Variants in DMRT1 observed in about 807,000 individuals in gnomAD.
The protein encoded by DMRT1 is doublesex- and mab-3-related transcription factor 1.
DMRT1 carries 7 observed loss-of-function variants against 32.3 expected under a neutral mutation model. The ratio of observed to expected loss-of-function variants is 0.22; its 90% CI spans 0.12 to 0.41. DMRT1 has a LOEUF of 0.41. DMRT1 is among the 10% of genes least tolerant of loss of function. The probability of loss-of-function intolerance (pLI) is 1.00; values close to 1 mark genes in which losing one functional copy is unlikely to be tolerated. For synonymous variants in DMRT1, 278 were observed against 206.1 expected (o/e 1.35, Z -2.99); for missense variants, 625 against 500.5 (o/e 1.25, Z -2.37).
chr9:879,191 C>G (rs185115278), intron 2 of DMRT1, among the ~76,000 whole-genome samples: 2 of 152,100 alleles, frequency 1.3e-5, no homozygotes, highest in East Asian at 1.9e-4. Context: ...AAACTTTTTA[C>G]TTGCAGAATC....
chr9:845,186 A>T (rs1285562622), intron 1 of DMRT1, among the ~76,000 whole-genome samples: 1 of 151,882 alleles, frequency 6.6e-6, no homozygotes, highest in Non-Finnish European at 1.5e-5. Flanking sequence ...ATTTTCTTTA[A>T]ACCTGTTTTT....
intron 3 of DMRT1, among the ~76,000 whole-genome samples, chr9:897,145 C>G (rs548987388): frequency 6.7e-6 from 1 of 150,232 alleles, no homozygotes; most frequent in Non-Finnish European, 1.5e-5. Flanking sequence ...CAGATTCTCG[C>G]TCTGTCGCCC....
At chr9:920,222 T>A (rs745973422) in intron 4 of DMRT1, among the ~76,000 whole-genome samples, 7 of 152,000 alleles carry the variant, frequency 4.6e-5, no homozygotes, top group Non-Finnish European at 7.4e-5. Context: ...TGTGATGAGA[T>A]CATTTGGAGA....
chr9:883,578 G>T (rs139681263), intron 2 of DMRT1, among the ~76,000 whole-genome samples: 77 of 150,660 alleles, frequency 5.1e-4, no homozygotes, highest in African/African-American at 1.9e-3. Context: ...GATCACTGGA[G>T]ACCAGAATTT....
chr9:928,922 C>T (rs937373595), intron 4 of DMRT1, among the ~76,000 whole-genome samples: 2 of 151,608 alleles, frequency 1.3e-5, no homozygotes, highest in Non-Finnish European at 2.9e-5. Flanking sequence ...ACTGCAACCT[C>T]CGCCTCCCAG....
intron 4 of DMRT1, among the ~76,000 whole-genome samples, chr9:917,783 T>C (rs902481383): frequency 3.3e-5 from 5 of 152,192 alleles, no homozygotes; most frequent in African/African-American, 1.2e-4. Flanking sequence ...AACCAGAAAG[T>C]CTAAAATAGC....
intron 2 of DMRT1, among the ~76,000 whole-genome samples, chr9:877,071 G>A (rs1998438): frequency 0.4 from 50,117 of 125,236 alleles, 10,696 homozygotes; most frequent in Admixed American, 0.46. Flanking sequence ...AACAAGGGAT[G>A]AAATTACCTC....
At chr9:852,682 G>A (rs1416585933) in intron 2 of DMRT1, among the ~76,000 whole-genome samples, 1 of 151,974 alleles carries the variant, frequency 6.6e-6, no homozygotes, top group Non-Finnish European at 1.5e-5. Flanking sequence ...TCTGTCTTGG[G>A]GCCCTCCCTT....
At chr9:904,594 T>C (rs1375833083) in intron 3 of DMRT1, among the ~76,000 whole-genome samples, 3 of 152,246 alleles carry the variant, frequency 2.0e-5, no homozygotes, top group Non-Finnish European at 2.9e-5. Flanking sequence ...TGCCTGGCAC[T>C]GTGCTAGAGA....
chr9:934,162 A>G (rs943359521), intron 4 of DMRT1, among the ~76,000 whole-genome samples: 1 of 152,210 alleles, frequency 6.6e-6, no homozygotes, highest in African/African-American at 2.4e-5. Flanking sequence ...CTTGGCAAGG[A>G]TGCTTTCATT....
At chr9:931,037 C>G (rs139449753) in intron 4 of DMRT1, among the ~76,000 whole-genome samples, 3 of 152,204 alleles carry the variant, frequency 2.0e-5, no homozygotes, top group Admixed American at 6.5e-5. Flanking sequence ...CTCCCAGCCC[C>G]TGCCAAAATA....
chr9:882,874 T>C (rs1816787095), intron 2 of DMRT1, among the ~76,000 whole-genome samples: 2 of 150,036 alleles, frequency 1.3e-5, no homozygotes, highest in Non-Finnish European at 3.0e-5. Flanking sequence ...CAGGTTCAAG[T>C]GATTCTTCTG....
At chr9:852,352 AT>A (rs989592351) in intron 2 of DMRT1, among the ~76,000 whole-genome samples, 2 of 140,864 alleles carry the variant, frequency 1.4e-5, no homozygotes, top group Admixed American at 7.1e-5. Flanking sequence ...GCAAATTTAC[AT>A]TTTTTTCCGG....
rs767147584 is a variant in DMRT1 at position 841,805 on chromosome 9, G to A, written c.-34G>A. 33 of 1,585,740 alleles carry A rather than the reference G, an allele frequency of 2.1e-5. No homozygotes were observed. The highest frequency in any genetic ancestry group is 9.4e-6 in the Non-Finnish European group (11 of 1,166,536). On this transcript the variant is annotated 5_prime_UTR_variant, in exon 1 of 5. Transcript: ENST00000382276. The stretch of plus-strand genomic sequence containing the variant: ...CGCAGCAGTCTCCAGGCGAGAGAGG[G>A]GGCCAGAGTGCTCGCACTTCTCCTA...
intron 2 of DMRT1, among the ~76,000 whole-genome samples, chr9:892,853 C>T (rs1817206424): frequency 6.6e-6 from 1 of 152,168 alleles, no homozygotes; most frequent in Non-Finnish European, 1.5e-5. Context: ...CACTTCCCTG[C>T]CCATCATTCC....
At chr9:863,200 C>T (rs145323511) in intron 2 of DMRT1, among the ~76,000 whole-genome samples, 1 of 148,808 alleles carries the variant, frequency 6.7e-6, no homozygotes, top group Admixed American at 6.7e-5. Context: ...TGCTTTTAGT[C>T]CCAGCTGCTT....
chr9:955,299 C>T (rs1396411405), intron 4 of DMRT1, among the ~76,000 whole-genome samples: 7 of 152,052 alleles, frequency 4.6e-5, no homozygotes, highest in African/African-American at 7.2e-5. Context: ...TCTGGGAGTT[C>T]GACAGTAGCC....
chr9:876,068 G>A (rs570412983), intron 2 of DMRT1, among the ~76,000 whole-genome samples: 104 of 152,330 alleles, frequency 6.8e-4, no homozygotes, highest in Non-Finnish European at 1.3e-3. Context: ...TATCCCTGTG[G>A]TTAGTGGTAG....
intron 3 of DMRT1, among the ~76,000 whole-genome samples, chr9:896,734 A>T (rs1364907232): frequency 6.6e-6 from 1 of 151,358 alleles, no homozygotes; most frequent in East Asian, 2.0e-4. Context: ...AATCGTCTGA[A>T]CCCGGGAGGT....
Sources: allele counts gnomAD v4.1 joint callset (sites outside exome capture counted in the v4.1 genomes callset), GRCh38; gene constraint gnomAD v4.1.1; transcripts MANE v1.5; gene names NCBI Gene and HGNC (gene_info 2026-07-23, HGNC 2026-07-21).